The following IQSEC1 variants were observed in gnomAD, a reference collection of about 807,000 sequenced individuals.
IQSEC1 encodes IQ motif and SEC7 domain-containing protein 1.
A neutral mutation model predicts 91.0 loss-of-function variants in IQSEC1; 31 were observed. The ratio of observed to expected loss-of-function variants is 0.34; its 90% confidence interval spans 0.26 to 0.46. The LOEUF is 0.46. Ranked by LOEUF, IQSEC1 falls within the 20% of genes least tolerant of loss-of-function variation. The pLI is 1.00. For synonymous variants in IQSEC1, 699 were observed against 662.6 expected (o/e 1.05, Z -0.84); for missense variants, 1,388 against 1,575.6 (o/e 0.88, Z 2.02).
chr3:13,252,997 G>A (rs1374532102), intron 1 of IQSEC1, among the ~76,000 whole-genome samples: 1 of 152,186 alleles, frequency 6.6e-6, no homozygotes, highest in Non-Finnish European at 1.5e-5. Context: ...CTCCCAAAGT[G>A]CTGGGACTAC....
chr3:12,954,424 G>C (rs1434627867), intron 1 of IQSEC1, among the ~76,000 whole-genome samples: 1 of 152,208 alleles, frequency 6.6e-6, no homozygotes, highest in Non-Finnish European at 1.5e-5. Context: ...TGGAGCCCAG[G>C]GCTGGGAGAG....
intron 1 of IQSEC1, among the ~76,000 whole-genome samples, chr3:13,172,671 C>A (rs1444617587): frequency 6.6e-6 from 1 of 152,188 alleles, no homozygotes; most frequent in East Asian, 1.9e-4. Context: ...GGGTTCCCTT[C>A]GAATTGGACA....
intron 1 of IQSEC1, among the ~76,000 whole-genome samples, chr3:13,014,937 C>T (rs1000613915): frequency 1.3e-5 from 2 of 152,152 alleles, no homozygotes; most frequent in Non-Finnish European, 2.9e-5. Context: ...ATGGCCCCAG[C>T]GAGCCTGGGG....
At chr3:13,060,521 G>T (rs766956143) in intron 1 of IQSEC1, among the ~76,000 whole-genome samples, 4 of 152,208 alleles carry the variant, frequency 2.6e-5, no homozygotes, top group African/African-American at 4.8e-5. Context: ...CGATGGGCGG[G>T]GTAGCCCTGG....
rs1694456026 is a variant in IQSEC1, at chr3:13,211,948, CCT to C, written c.273-47817_273-47816del. Reference sequence around the variant, plus strand: ...CCCCACGGCCCTGTGTTTTTGAGCCCCTGTGGGCTCTGGCGCGTGTCGGTGCC... The same window carrying C: ...CCCCACGGCCCTGTGTTTTTGAGCCCGTGGGCTCTGGCGCGTGTCGGTGCC... On this transcript the variant is annotated intron_variant, in intron 1 of 15. Coordinates refer to the IQSEC1 transcript ENST00000648114. This position sits in a 1 kb window ranked among gnomAD's most constrained non-coding sequence, Gnocchi z 5.3. Among the ~76,000 whole-genome samples, 1 of 152,154 alleles carries C rather than the reference CCT, an allele frequency of 6.6e-6. No homozygotes were observed. Among genetic ancestry groups the C allele is most frequent in the Non-Finnish European group, 1.5e-5 (1 of 68,014 alleles).
At chr3:13,055,921 G>T (rs898029581) in intron 1 of IQSEC1, among the ~76,000 whole-genome samples, 5 of 152,068 alleles carry the variant, frequency 3.3e-5, no homozygotes, top group African/African-American at 1.2e-4. Context: ...TGCATAGAGA[G>T]GCCCACCTGG....
At chr3:13,254,652 G>A (rs749111038) in intron 1 of IQSEC1, among the ~76,000 whole-genome samples, 3 of 152,188 alleles carry the variant, frequency 2.0e-5, no homozygotes, top group Admixed American at 6.5e-5. Context: ...CACTTTCAAC[G>A]ACACAGCTCC....
chr3:12,934,138 G>A (rs955060105), intron 3 of IQSEC1, among the ~76,000 whole-genome samples: 1 of 152,180 alleles, frequency 6.6e-6, no homozygotes, highest in African/African-American at 2.4e-5. Flanking sequence ...CCAGCGCATT[G>A]CTCCGGCCGT....
chr3:12,965,161 A>G (rs1010412), intron 1 of IQSEC1, among the ~76,000 whole-genome samples: 29,235 of 152,080 alleles, frequency 0.19, 4,145 homozygotes, highest in East Asian at 0.75. Flanking sequence ...AAAAACGAGG[A>G]TAAGAAGAGT....
intron 1 of IQSEC1, among the ~76,000 whole-genome samples, chr3:13,250,015 T>C (rs1271663426): frequency 6.6e-6 from 1 of 152,202 alleles, no homozygotes; most frequent in Non-Finnish European, 1.5e-5. Context: ...GGTTCTAAGA[T>C]TTTGCCTTTG....
chr3:13,079,693 A>C (rs1206807387), intron 2 of IQSEC1, among the ~76,000 whole-genome samples: 1 of 152,196 alleles, frequency 6.6e-6, no homozygotes, highest in East Asian at 1.9e-4. Context: ...GCCACACCTG[A>C]AACCTGGAGG....
intron 1 of IQSEC1, among the ~76,000 whole-genome samples, chr3:13,172,830 G>C (rs146170759): frequency 6.6e-6 from 1 of 152,234 alleles, no homozygotes; most frequent in Admixed American, 6.5e-5. Flanking sequence ...TCCCAGCCAC[G>C]TGCCTCTGGG....
At chr3:13,278,444 C>T (rs1438905552) in intron 1 of IQSEC1, among the ~76,000 whole-genome samples, 16 of 152,214 alleles carry the variant, frequency 1.1e-4, no homozygotes, top group Admixed American at 1.0e-3. Flanking sequence ...CTTTCTCCAG[C>T]TTGAGAGGCC....
exon 1 of IQSEC1, among the ~76,000 whole-genome samples, chr3:13,283,207 G>T (rs1695834957): frequency 6.8e-6 from 1 of 147,764 alleles, no homozygotes; most frequent in South Asian, 2.1e-4. Context: ...CGCCGGGGCG[G>T]CAGGGCGCGG....
chr3:13,228,336 G>A (rs747190130), intron 1 of IQSEC1, among the ~76,000 whole-genome samples: 27 of 152,272 alleles, frequency 1.8e-4, no homozygotes, highest in African/African-American at 5.8e-4. Flanking sequence ...GGAAGGAAGC[G>A]CACACGTGGG....
At position 13,181,043 on chromosome 3, in the gene IQSEC1, G is replaced by A. The variant is rs974430117; in HGVS notation, c.273-16910C>T. On this transcript the variant is annotated intron_variant, in intron 1 of 15. Coordinates refer to the IQSEC1 transcript ENST00000648114. ...TCCTAACACTTTGGGAGGCTGAGGCGGGCGGATCATGAGGTCAGGAGATTC... is the reference window on the plus strand; with the variant it reads ...TCCTAACACTTTGGGAGGCTGAGGCAGGCGGATCATGAGGTCAGGAGATTC... Among the ~76,000 whole-genome samples, 10 of 152,288 alleles carry A rather than the reference G, an allele frequency of 6.6e-5. No homozygotes were observed. In the East Asian group the frequency reaches 9.7e-4, roughly 15 times the overall value.
intron 1 of IQSEC1, among the ~76,000 whole-genome samples, chr3:13,240,760 T>A (rs1695008341): frequency 6.6e-6 from 1 of 152,100 alleles, no homozygotes; most frequent in Non-Finnish European, 1.5e-5. Context: ...CTGGGCTCCA[T>A]GAAAGACCCG....
At chr3:13,070,676 G>A (rs766387887) in intron 1 of IQSEC1, among the ~76,000 whole-genome samples, 6 of 152,212 alleles carry the variant, frequency 3.9e-5, no homozygotes, top group East Asian at 1.9e-4. Flanking sequence ...AGTATCTTTG[G>A]TATTTCTGGT....
chr3:12,939,729 G>A (rs1377867793), intron 2 of IQSEC1, among the ~76,000 whole-genome samples: 1 of 152,074 alleles, frequency 6.6e-6, no homozygotes, highest in East Asian at 1.9e-4. Context: ...CCTCTTCCTG[G>A]GACAGCCAGC....
Sources: allele counts gnomAD v4.1 joint callset (sites outside exome capture counted in the v4.1 genomes callset), GRCh38; gene constraint gnomAD v4.1.1; non-coding constraint Gnocchi (gnomAD v3.1); transcripts MANE v1.5; gene names NCBI Gene and HGNC (gene_info 2026-07-23, HGNC 2026-07-21).